The following MAPKAP1 variants were observed in gnomAD, a reference collection of about 807,000 sequenced individuals.
MAPKAP1 encodes MAPK associated protein 1, also known as target of rapamycin complex 2 subunit MAPKAP1.
A neutral mutation model predicts 65.7 loss-of-function variants in MAPKAP1; 20 were observed. That is an observed-to-expected ratio of 0.30 (90% CI 0.21 to 0.44). The LOEUF (loss-of-function observed/expected upper bound fraction) is 0.44, where lower values mean the gene tolerates loss of function less well. Ranked by LOEUF, MAPKAP1 falls within the 20% of genes least tolerant of loss-of-function variation. MAPKAP1 has a pLI of 1.00. For missense variants in MAPKAP1, 423 were observed against 648.0 expected, an observed-to-expected ratio of 0.65 and a Z score of 3.77; for synonymous variants, 222 against 244.3, an observed-to-expected ratio of 0.91 and a Z score of 0.85.
intron 4 of MAPKAP1, among the ~76,000 whole-genome samples, chr9:125,642,361 G>A (rs1440434371): frequency 6.6e-6 from 1 of 152,128 alleles, no homozygotes; most frequent in African/African-American, 2.4e-5. Flanking sequence ...GTGGACACAG[G>A]AGAATAAAAA....
chr9:125,543,710 G>A (rs1830330937), intron 6 of MAPKAP1, among the ~76,000 whole-genome samples: 1 of 152,226 alleles, frequency 6.6e-6, no homozygotes, highest in African/African-American at 2.4e-5. Context: ...TTCCATGTGA[G>A]AGAGGTCACG....
chr9:125,671,652 G>C (rs1457283054), intron 2 of MAPKAP1, among the ~76,000 whole-genome samples: 1 of 152,032 alleles, frequency 6.6e-6, no homozygotes, highest in Non-Finnish European at 1.5e-5. Context: ...AAAAATATAA[G>C]TGGGAAAATG....
intron 1 of MAPKAP1, among the ~76,000 whole-genome samples, chr9:125,685,058 C>T (rs10986844): frequency 6.6e-6 from 1 of 152,042 alleles, no homozygotes; most frequent in Non-Finnish European, 1.5e-5. Context: ...TAGTAAGGTG[C>T]TAAGTGTTTG....
intron 1 of MAPKAP1, among the ~76,000 whole-genome samples, chr9:125,699,342 G>C (rs984379810): frequency 1.3e-5 from 2 of 151,580 alleles, no homozygotes; most frequent in African/African-American, 4.9e-5. Context: ...CCAAGTAGCT[G>C]GGACTACAGG....
At chr9:125,520,283 T>C (rs1011927533) in intron 7 of MAPKAP1, among the ~76,000 whole-genome samples, 4 of 152,200 alleles carry the variant, frequency 2.6e-5, no homozygotes, top group African/African-American at 9.7e-5. Context: ...TTTAGCTGCA[T>C]TGTCCCTATG....
chr9:125,620,409 T>C (rs181194355), intron 4 of MAPKAP1, among the ~76,000 whole-genome samples: 6 of 152,364 alleles, frequency 3.9e-5, no homozygotes, highest in Non-Finnish European at 1.5e-5. Flanking sequence ...ACATTGCTGG[T>C]AGGAGTGTAA....
rs1287272290 is a variant in MAPKAP1 at position 125,447,525 on chromosome 9, T to C, written c.1346-2927A>G. On this transcript the variant is annotated intron_variant, in intron 10 of 11. Transcript: ENST00000265960. This position sits in a 1 kb window ranked among gnomAD's most constrained non-coding sequence, Gnocchi z 4.5. ...GGCAGGTTAAGATCAGCAGCCATGC[T>C]GGGCCATAGGACATGGGGCGGACTC... 2 of 456,338 alleles carry C rather than the reference T, an allele frequency of 4.4e-6. No homozygotes were observed. Among genetic ancestry groups the C allele is most frequent in the Admixed American group, 2.3e-5 (1 of 42,570 alleles). 28.3% of individuals were successfully genotyped at this position (456,338 alleles called of 1,614,324 possible). A position where few individuals can be genotyped will look rare whatever the true frequency, so the allele number is the denominator to read the frequency against.
chr9:125,598,501 A>T (rs1458253321), intron 4 of MAPKAP1, among the ~76,000 whole-genome samples: 1 of 152,190 alleles, frequency 6.6e-6, no homozygotes, highest in Non-Finnish European at 1.5e-5. Flanking sequence ...CTCTTTCTTT[A>T]ACAAGGTCAA....
At chr9:125,576,479 G>GATCTCC (rs930471844) in intron 5 of MAPKAP1, among the ~76,000 whole-genome samples, 7 of 151,332 alleles carry the variant, frequency 4.6e-5, no homozygotes, top group African/African-American at 1.5e-4. Context: ...ACGAAGCATA[G>GATCTCC]CTCTCCCTCT....
intron 1 of MAPKAP1, among the ~76,000 whole-genome samples, chr9:125,674,635 G>C (rs1834591890): frequency 6.6e-6 from 1 of 152,172 alleles, no homozygotes; most frequent in Admixed American, 6.5e-5. Flanking sequence ...TTGTTGTCTG[G>C]AAACACATCA....
At chr9:125,695,510 A>C (rs1471878989) in intron 1 of MAPKAP1, among the ~76,000 whole-genome samples, 1 of 152,216 alleles carries the variant, frequency 6.6e-6, no homozygotes, top group Admixed American at 6.5e-5. Flanking sequence ...GATAATATAC[A>C]GAATGCTTTG....
chr9:125,607,419 T>G (rs1449758900), intron 4 of MAPKAP1, among the ~76,000 whole-genome samples: 2 of 152,230 alleles, frequency 1.3e-5, no homozygotes, highest in African/African-American at 4.8e-5. Flanking sequence ...CCCCATACAT[T>G]TGACATCCAT....
Position 125,498,310 on chromosome 9 carries a change from G to A in MAPKAP1, c.1066+8000C>T, listed in dbSNP as rs547761945. 3.3e-5 allele frequency among the ~76,000 whole-genome samples: 5 copies of A among 152,270 alleles called. No individual in the cohort carries two copies. The South Asian group carries it at 8.3e-4, about 25-fold the overall frequency. On this transcript the variant is annotated intron_variant, in intron 8 of 11. Transcript: ENST00000265960. ...GCCATTCTTAGGACTGAAAATTCAG[G>A]TTGTTTTATCAACAATCTCAGGGTC...
intron 7 of MAPKAP1, among the ~76,000 whole-genome samples, chr9:125,508,157 C>A (rs772875913): frequency 1.2e-4 from 18 of 152,070 alleles, no homozygotes; most frequent in African/African-American, 4.1e-4. Flanking sequence ...CAGAGAGAAT[C>A]CCTGTGTCTC....
At chr9:125,670,712 C>T (rs1383927030) in intron 2 of MAPKAP1, among the ~76,000 whole-genome samples, 1 of 152,130 alleles carries the variant, frequency 6.6e-6, no homozygotes, top group East Asian at 1.9e-4. Context: ...TGAACTGATC[C>T]TTTAGAGAAA....
chr9:125,496,594 C>A (rs1297441354), intron 8 of MAPKAP1, among the ~76,000 whole-genome samples: 23 of 152,116 alleles, frequency 1.5e-4, no homozygotes, highest in Admixed American at 1.5e-3. Flanking sequence ...ATGGAACCAC[C>A]AGGGAGTCTC....
intron 8 of MAPKAP1, among the ~76,000 whole-genome samples, chr9:125,496,137 A>G (rs954009524): frequency 6.6e-6 from 1 of 152,226 alleles, no homozygotes; most frequent in African/African-American, 2.4e-5. Context: ...GAGGACTTGT[A>G]CAAGGTTACA....
chr9:125,440,175 A>G (rs1408883834), intron 11 of MAPKAP1, among the ~76,000 whole-genome samples: 2 of 152,216 alleles, frequency 1.3e-5, no homozygotes, highest in Admixed American at 6.5e-5. Flanking sequence ...CAGCAGTGTG[A>G]AATCAGTGGT....
intron 4 of MAPKAP1, among the ~76,000 whole-genome samples, chr9:125,636,463 A>G (rs1833427678): frequency 6.6e-6 from 1 of 152,236 alleles, no homozygotes; most frequent in African/African-American, 2.4e-5. Context: ...CATACCTAAC[A>G]ACTCTGTAAC....
Sources: gnomAD v4.1 joint callset for allele counts (sites outside exome capture counted in the v4.1 genomes callset) on GRCh38, gnomAD v4.1.1 for gene constraint, Gnocchi (gnomAD v3.1) non-coding constraint, MANE v1.5 for transcripts, NCBI Gene and HGNC (gene_info 2026-07-23, HGNC 2026-07-21) for gene names.